Variants in KIF13B observed in about 807,000 individuals in gnomAD.
The protein encoded by KIF13B is kinesin family member 13B.
In KIF13B, 127 loss-of-function variants were observed where a neutral mutation model predicts 222.0. That is an observed-to-expected ratio of 0.57 (90% CI 0.50 to 0.66). The LOEUF is 0.66. KIF13B is among the 30% of genes least tolerant of loss of function. The pLI is 0.00. For synonymous variants in KIF13B, 976 were observed against 919.0 expected (o/e 1.06, Z -1.12); for missense variants, 2,173 against 2,379.0 (o/e 0.91, Z 1.80).
intron 37 of KIF13B, among the ~76,000 whole-genome samples, chr8:29,084,907 T>G (rs1462002689): frequency 6.6e-6 from 1 of 152,252 alleles, no homozygotes; most frequent in Non-Finnish European, 1.5e-5. Flanking sequence ...ACAGCAATTT[T>G]GTCAGCTGCC....
chr8:29,165,323 A>C (rs974656344), intron 12 of KIF13B, among the ~76,000 whole-genome samples: 1 of 152,158 alleles, frequency 6.6e-6, no homozygotes, highest in African/African-American at 2.4e-5. Context: ...AGATGGAGTA[A>C]TTTTGTAATT....
At chr8:29,158,224 C>T (rs2130090787) in intron 13 of KIF13B, among the ~76,000 whole-genome samples, 1 of 152,294 alleles carries the variant, frequency 6.6e-6, no homozygotes, top group South Asian at 2.1e-4. Context: ...CCTTCCATGA[C>T]ACTGACTGAC....
intron 2 of KIF13B, among the ~76,000 whole-genome samples, chr8:29,200,767 T>C (rs767460358): frequency 5.9e-5 from 9 of 152,216 alleles, no homozygotes; most frequent in Admixed American, 2.6e-4. Flanking sequence ...GTCATGACCT[T>C]GACACTTGAA....
At chr8:29,220,649 T>C (rs187286936) in intron 2 of KIF13B, among the ~76,000 whole-genome samples, 51 of 152,010 alleles carry the variant, frequency 3.4e-4, no homozygotes, top group Non-Finnish European at 5.6e-4. Context: ...AAGACACCCT[T>C]TGGTCTAGCA....
intron 21 of KIF13B, among the ~76,000 whole-genome samples, chr8:29,136,037 T>C (rs1311793972): frequency 6.6e-6 from 1 of 152,172 alleles, no homozygotes; most frequent in Non-Finnish European, 1.5e-5. Flanking sequence ...ATCTTTTCTG[T>C]GATGTCAACA....
At chr8:29,206,399 A>G (rs1813942404) in intron 2 of KIF13B, among the ~76,000 whole-genome samples, 1 of 152,270 alleles carries the variant, frequency 6.6e-6, no homozygotes, top group Non-Finnish European at 1.5e-5. Flanking sequence ...TAAGTCAGCC[A>G]GCAGGTTGAG....
At position 29,161,866 on chromosome 8, in the gene KIF13B, G is replaced by C. The variant is rs138996098; in HGVS notation, c.1270-999C>G. On this transcript the variant is annotated intron_variant, in intron 12 of 39. Transcript: ENST00000524189. ...TCACACAGGACTGTGTGCTGTGTGG[G>C]TATGGATCCTATCTTATATACTGTT... Among the ~76,000 whole-genome samples the C allele has an allele frequency of 6.1e-3, 936 of 152,204 alleles. 9 individuals carry two copies. The highest frequency in any genetic ancestry group is 0.011 in the Non-Finnish European group (733 of 67,998).
At chr8:29,170,111 A>T (rs73560704) in intron 10 of KIF13B, among the ~76,000 whole-genome samples, 7,177 of 152,264 alleles carry the variant, frequency 0.047, 362 homozygotes, top group African/African-American at 0.12. Flanking sequence ...AAGAACTGGC[A>T]CTCATTCAAG....
At chr8:29,197,773 C>T (rs1430656394) in intron 2 of KIF13B, among the ~76,000 whole-genome samples, 1 of 152,188 alleles carries the variant, frequency 6.6e-6, no homozygotes, top group Non-Finnish European at 1.5e-5. Context: ...AACAACAACA[C>T]AACAAACTAA....
rs528483524 is a variant in KIF13B at position 29,211,835 on chromosome 8, G to C, written c.150-15636C>G. On this transcript the variant is annotated intron_variant, in intron 2 of 39. Coordinates refer to ENST00000524189, the MANE Select transcript of KIF13B (RefSeq NM_015254.4). The stretch of plus-strand genomic sequence containing the variant: ...TGCTAATTTCTAATTGCTTTGTTCT[G>C]TCATACACTTAGCATTATTTACATA... Among the ~76,000 whole-genome samples, 11 of 152,258 alleles carry C rather than the reference G, an allele frequency of 7.2e-5. No homozygotes were observed. In the East Asian group the frequency reaches 1.9e-3, roughly 27 times the overall value.
chr8:29,110,077 A>T lies in KIF13B; in HGVS notation c.3931-7T>A. ...CTTCCACTCCCTGGGCATCCTGAGCAGTGGAAAGTTATACATTATAAAAGC... is the reference window on the plus strand; with the variant it reads ...CTTCCACTCCCTGGGCATCCTGAGCTGTGGAAAGTTATACATTATAAAAGC... On this transcript the variant is annotated splice_polypyrimidine_tract_variant and splice_region_variant and intron_variant, in intron 32 of 39. Transcript: ENST00000524189. 6.4e-7 allele frequency: 1 copy of T among 1,553,432 alleles called. No homozygotes were observed. The highest frequency in any genetic ancestry group is 1.2e-5 in the South Asian group (1 of 84,198).
intron 36 of KIF13B, among the ~76,000 whole-genome samples, chr8:29,097,827 A>C (rs1423360365): frequency 6.6e-6 from 1 of 152,226 alleles, no homozygotes; most frequent in Non-Finnish European, 1.5e-5. Context: ...AATTATCAGT[A>C]TCAGAATAAA....
chr8:29,256,777 G>A (rs1247416151), intron 1 of KIF13B, among the ~76,000 whole-genome samples: 1 of 150,646 alleles, frequency 6.6e-6, no homozygotes, highest in Non-Finnish European at 1.5e-5. Flanking sequence ...TTTGTTTTGA[G>A]ACAGTCTCGC....
At chr8:29,156,300 A>C (rs17059715) in intron 13 of KIF13B, among the ~76,000 whole-genome samples, 6,906 of 152,212 alleles carry the variant, frequency 0.045, 334 homozygotes, top group African/African-American at 0.11. Flanking sequence ...AAATGAAGCC[A>C]GGCATGGTTG....
rs1450506415 is a variant in KIF13B, at chr8:29,245,404, C to G, written c.91G>C (p.Asp31His). ...DLHTKCVVDV[D>H]ANKVILNPVN... is the part of the protein sequence containing the mutation. Reference sequence around the variant, plus strand: ...GGATTAAGAATAACCTTGTTTGCATCCACATCCACCACACATTTGGTATGC... The same window carrying G: ...GGATTAAGAATAACCTTGTTTGCATGCACATCCACCACACATTTGGTATGC... The change falls in exon 2 of 40, where the codon GAT (aspartate) becomes CAT (histidine). Residue 31 changes from aspartate (D) to histidine (H), a missense_variant. Asp to His is a moderately conservative substitution (Grantham distance 81). Around this residue, in one of 2 missense-constraint regions of KIF13B, gnomAD observed 1,480 missense variants for 1,722.8 expected, o/e 0.86. Transcript: ENST00000524189. 1 of 1,602,124 alleles carries G rather than the reference C, an allele frequency of 6.2e-7. No individual in the cohort carries two copies. Among genetic ancestry groups the G allele is most frequent in the African/African-American group, 1.3e-5 (1 of 74,928 alleles).
chr8:29,166,704 C>CAAAA (rs67653605), intron 11 of KIF13B, among the ~76,000 whole-genome samples: 3 of 128,150 alleles, frequency 2.3e-5, no homozygotes, highest in African/African-American at 3.0e-5. Context: ...AACTCCACCT[C>CAAAA]AAAAAAAAAA....
At chr8:29,215,867 G>A (rs1244914515) in intron 2 of KIF13B, among the ~76,000 whole-genome samples, 2 of 152,158 alleles carry the variant, frequency 1.3e-5, no homozygotes, top group Non-Finnish European at 2.9e-5. Flanking sequence ...GATATGAATT[G>A]TAATTTTAAA....
chr8:29,122,227 C>CT (rs1410246166), intron 29 of KIF13B, among the ~76,000 whole-genome samples: 2 of 152,052 alleles, frequency 1.3e-5, no homozygotes, highest in Admixed American at 6.6e-5. Flanking sequence ...GCACTCCAGC[C>CT]TGGGTGACAG....
At chr8:29,121,841 G>A (rs1341277860) in intron 29 of KIF13B, among the ~76,000 whole-genome samples, 1 of 151,164 alleles carries the variant, frequency 6.6e-6, no homozygotes, top group African/African-American at 2.4e-5. Flanking sequence ...AATGGCACAA[G>A]AACTCATAGA....
Sources: gnomAD v4.1 joint callset for allele counts (sites outside exome capture counted in the v4.1 genomes callset) on GRCh38, gnomAD v4.1.1 for gene constraint, gnomAD v4.1.1 regional missense constraint, MANE v1.5 for transcripts, NCBI Gene and HGNC (gene_info 2026-07-23, HGNC 2026-07-21) for gene names.